Variants in RPTOR observed in about 807,000 individuals in gnomAD.
RPTOR encodes regulatory-associated protein of mTOR.
Under a neutral mutation model 169.9 loss-of-function variants are expected in RPTOR, and 21 were observed. The observed-to-expected ratio is 0.12, with a 90% CI of 0.09 to 0.18. The LOEUF (loss-of-function observed/expected upper bound fraction) is 0.18, where lower values mean the gene tolerates loss of function less well. RPTOR is among the 10% of genes least tolerant of loss of function. The pLI is 1.00. For synonymous variants in RPTOR, 732 were observed against 753.2 expected (o/e 0.97, Z 0.46); for missense variants, 1,133 against 1,855.9 (o/e 0.61, Z 7.16).
intron 21 of RPTOR, among the ~76,000 whole-genome samples, chr17:80,916,775 G>A (rs927990488): frequency 2.6e-5 from 4 of 152,166 alleles, no homozygotes; most frequent in Non-Finnish European, 4.4e-5. Flanking sequence ...CAAGGCGGGC[G>A]GATCACTTGA....
chr17:80,905,485 C>A (rs1351621538), intron 20 of RPTOR, among the ~76,000 whole-genome samples: 1 of 151,730 alleles, frequency 6.6e-6, no homozygotes, highest in African/African-American at 2.4e-5. Context: ...AGTCCCAGCT[C>A]CTCAGGAGGC....
At chr17:80,856,673 G>A (rs1009702624) in intron 12 of RPTOR, among the ~76,000 whole-genome samples, 2 of 152,214 alleles carry the variant, frequency 1.3e-5, no homozygotes, top group East Asian at 3.9e-4. Flanking sequence ...TGGTGTGTGC[G>A]TGGTGGTGTC....
intron 11 of RPTOR, among the ~76,000 whole-genome samples, chr17:80,852,880 C>A (rs2067808689): frequency 6.6e-6 from 1 of 152,146 alleles, no homozygotes; most frequent in Admixed American, 6.5e-5. Context: ...TCTCCCCTCC[C>A]CCGATCCTCC....
intron 28 of RPTOR, among the ~76,000 whole-genome samples, chr17:80,951,743 C>G (rs570854005): frequency 6.6e-5 from 10 of 152,204 alleles, no homozygotes; most frequent in Non-Finnish European, 1.2e-4. Context: ...GCAGGACGCT[C>G]GGGCCGAGGG....
chr17:80,903,573 G>C (rs771243845), intron 20 of RPTOR, among the ~76,000 whole-genome samples: 3 of 152,162 alleles, frequency 2.0e-5, no homozygotes, highest in Non-Finnish European at 4.4e-5. Context: ...TCTTAAAGAC[G>C]GGGTTTCGCT....
intron 1 of RPTOR, among the ~76,000 whole-genome samples, chr17:80,617,720 A>G (rs1353695232): frequency 6.6e-6 from 1 of 152,200 alleles, no homozygotes; most frequent in Non-Finnish European, 1.5e-5. Context: ...AAATCCCACA[A>G]GTATCCTTGG....
chr17:80,722,380 C>T (rs1180670325), intron 4 of RPTOR, among the ~76,000 whole-genome samples: 1 of 150,812 alleles, frequency 6.6e-6, no homozygotes, highest in Non-Finnish European at 1.5e-5. Flanking sequence ...TATTTGATTG[C>T]CTGGGAGAAG....
chr17:80,723,719 T>C (rs533758877), intron 4 of RPTOR, among the ~76,000 whole-genome samples: 2 of 151,484 alleles, frequency 1.3e-5, no homozygotes, highest in East Asian at 1.9e-4. Flanking sequence ...AGCTAAGTGA[T>C]GCATTTGTGT....
In RPTOR at chr17:80,560,780, C is replaced by T. The variant is rs80040034; in HGVS notation, c.162+14989C>T. ...ACTCCCCAGCACTTGGCTACGTGTT[C>T]GTTTTGTCTCCCCACTAGGATGTTG... On this transcript the variant is annotated intron_variant, in intron 1 of 33. Transcript: ENST00000306801. Among the ~76,000 whole-genome samples the T allele has an allele frequency of 8.0e-3, 1,224 of 152,228 alleles. 24 individuals are homozygous for T. Among genetic ancestry groups the T allele is most frequent in the African/African-American group, 0.028 (1,160 of 41,540 alleles).
At chr17:80,691,828 C>T (rs2065994559) in intron 3 of RPTOR, among the ~76,000 whole-genome samples, 1 of 152,150 alleles carries the variant, frequency 6.6e-6, no homozygotes, top group Non-Finnish European at 1.5e-5. Flanking sequence ...AGATAAAATA[C>T]GAAGGCGCTC....
At chr17:80,702,299 T>G (rs981950235) in intron 3 of RPTOR, among the ~76,000 whole-genome samples, 102 of 152,286 alleles carry the variant, frequency 6.7e-4, no homozygotes, top group African/African-American at 2.1e-3. Context: ...TGCTGTCACA[T>G]CCTCCAAAAC....
intron 10 of RPTOR, among the ~76,000 whole-genome samples, chr17:80,841,172 C>A (rs1567942928): frequency 1.6e-5 from 2 of 128,960 alleles, no homozygotes. Flanking sequence ...CTCACTCTCA[C>A]CGCACGGCAG....
chr17:80,682,001 T>C (rs1281720869), intron 3 of RPTOR, among the ~76,000 whole-genome samples: 1 of 152,192 alleles, frequency 6.6e-6, no homozygotes, highest in East Asian at 1.9e-4. Context: ...TTATCAGTTC[T>C]TTAAAATGAT....
chr17:80,792,851 A>G (rs1359233677), intron 7 of RPTOR, among the ~76,000 whole-genome samples: 1 of 151,846 alleles, frequency 6.6e-6, no homozygotes, highest in Non-Finnish European at 1.5e-5. Flanking sequence ...TGAGTTTTAG[A>G]GCTCTCTATT....
intron 13 of RPTOR, among the ~76,000 whole-genome samples, chr17:80,871,288 T>A (rs775948202): frequency 1.3e-5 from 2 of 152,036 alleles, no homozygotes; most frequent in African/African-American, 4.8e-5. Flanking sequence ...TTGTATTTTG[T>A]TTAGTAGAGA....
chr17:80,894,720 T>C (rs1237917446), intron 20 of RPTOR, among the ~76,000 whole-genome samples: 1 of 152,208 alleles, frequency 6.6e-6, no homozygotes, highest in Non-Finnish European at 1.5e-5. Context: ...TTAAGGAGCA[T>C]TTTAGCCATG....
At chr17:80,561,148 G>T (rs1212955259) in intron 1 of RPTOR, among the ~76,000 whole-genome samples, 3 of 151,240 alleles carry the variant, frequency 2.0e-5, no homozygotes, top group African/African-American at 4.9e-5. Flanking sequence ...TCGGCTCACT[G>T]CAATCTCCGC....
At chr17:80,586,389 G>T (rs899063847) in intron 1 of RPTOR, among the ~76,000 whole-genome samples, 3 of 152,118 alleles carry the variant, frequency 2.0e-5, no homozygotes, top group African/African-American at 7.2e-5. Flanking sequence ...TCATGGATTG[G>T]GGAAAGTTGC....
At chr17:80,874,789 C>T (rs1039988587) in intron 13 of RPTOR, among the ~76,000 whole-genome samples, 3 of 152,174 alleles carry the variant, frequency 2.0e-5, no homozygotes, top group East Asian at 3.8e-4. Context: ...ATGACTTCCC[C>T]GGTAGCATCC....
Sources: gnomAD v4.1 joint callset for allele counts (sites outside exome capture counted in the v4.1 genomes callset) on GRCh38, gnomAD v4.1.1 for gene constraint, MANE v1.5 for transcripts, NCBI Gene and HGNC (gene_info 2026-07-23, HGNC 2026-07-21) for gene names.